CLCA1: variants seen among roughly 807,000 people sequenced by gnomAD.
CLCA1 encodes calcium-activated chloride channel regulator 1.
In CLCA1, 59 loss-of-function variants were observed where a neutral mutation model predicts 85.6. The observed-to-expected ratio is 0.69, with a 90% CI of 0.56 to 0.86. The LOEUF (loss-of-function observed/expected upper bound fraction) is 0.86. CLCA1 is among the 40% of genes least tolerant of loss of function. The probability of loss-of-function intolerance (pLI) is 0.00; values close to 1 mark genes in which losing one functional copy is unlikely to be tolerated. For missense variants in CLCA1, 1,022 were observed against 1,101.4 expected (o/e 0.93, Z 1.02); for synonymous variants, 396 against 398.3 (o/e 0.99, Z 0.07).
chr1:86,485,203 G>A lies in CLCA1; in HGVS notation c.736-140G>A, dbSNP rs149320591. The A allele has an allele frequency of 3.0e-5, 20 of 671,560 alleles. No homozygotes were observed. The East Asian group carries it at 5.4e-4, about 18-fold the overall frequency. 41.6% of individuals were successfully genotyped at this position (671,560 alleles called of 1,614,324 possible). On this transcript the variant is annotated intron_variant, in intron 5 of 13. Transcript: ENST00000394711. ...GGTAGGAAATCTGCATTATTACTGT[G>A]ATTTTCCCCAGCACTGTTCCACAGT...
chr1:86,494,138 G>A, intron 10 of CLCA1, 49 bp from the exon 11 acceptor site: 1 of 1,600,344 alleles, frequency 6.2e-7, no homozygotes, highest in African/African-American at 1.3e-5. Flanking sequence ...AGTCAGGTCT[G>A]TGTCACCTGA....
chr1:86,498,348 A>AG (rs1648356152), intron 12 of CLCA1, among the ~76,000 whole-genome samples: 1 of 152,166 alleles, frequency 6.6e-6, no homozygotes, highest in Non-Finnish European at 1.5e-5. Flanking sequence ...TCCAGGAAAT[A>AG]TCTAAGAGAT....
chr1:86,482,853 T>C (rs990200728), intron 5 of CLCA1, among the ~76,000 whole-genome samples: 5 of 152,210 alleles, frequency 3.3e-5, no homozygotes, highest in African/African-American at 1.2e-4. Context: ...AGTTTACACA[T>C]AGTTTAAATA....
chr1:86,478,227 A>C (rs993074749), intron 4 of CLCA1, among the ~76,000 whole-genome samples: 1 of 152,082 alleles, frequency 6.6e-6, no homozygotes, highest in African/African-American at 2.4e-5. Flanking sequence ...GGAGTTCAAG[A>C]CCAGCCTGGC....
intron 12 of CLCA1, 46 bp from the exon 13 acceptor site, chr1:86,498,526 A>G (rs1187920747): frequency 6.3e-7 from 1 of 1,592,084 alleles, no homozygotes; most frequent in Non-Finnish European, 8.6e-7. Context: ...AGGTGTCACC[A>G]TTTAGTGATG....
rs1002913877 is a variant in CLCA1 at position 86,477,208 on chromosome 1, G to A, written c.557+655G>A. On this transcript the variant is annotated intron_variant, in intron 4 of 13. Transcript: ENST00000394711. ...TGGACTCAAGAGATCCTCCCACTTCGACCTGCCAAAGTGCTGGGACTACCT... is the reference window on the plus strand; with the variant it reads ...TGGACTCAAGAGATCCTCCCACTTCAACCTGCCAAAGTGCTGGGACTACCT... Among the ~76,000 whole-genome samples, 7 of 152,268 alleles carry A rather than the reference G, an allele frequency of 4.6e-5. No individual in the cohort carries two copies. In the East Asian group the frequency reaches 5.8e-4, roughly 13 times the overall value.
intron 1 of CLCA1, among the ~76,000 whole-genome samples, chr1:86,472,026 G>T (rs1314378809): frequency 2.0e-5 from 3 of 148,660 alleles, no homozygotes; most frequent in African/African-American, 4.9e-5. Context: ...TTACATTTTT[G>T]TTTTTTTTTT....
At position 86,473,782 on chromosome 1, in the gene CLCA1, T is replaced by C. The variant is rs1223480960; in HGVS notation, c.357T>C (p.Thr119=). The C allele has an allele frequency of 6.2e-7, 1 of 1,612,196 alleles. No homozygotes were observed. The highest frequency in any genetic ancestry group is 8.5e-7 in the Non-Finnish European group (1 of 1,178,788). The change falls in exon 3 of 14, where the codon ACT becomes ACC. Residue 119 remains threonine (T), a synonymous_variant. Coordinates refer to ENST00000394711, the MANE Select transcript of CLCA1 (RefSeq NM_001285.4). ...CTCCAGGTAATGATGAACCCTACACTGAGCAGATGGGCAACTGTGGAGAGA... is the reference window on the plus strand; with the variant it reads ...CTCCAGGTAATGATGAACCCTACACCGAGCAGATGGGCAACTGTGGAGAGA... ...STPPGNDEPY[T]EQMGNCGEKG...
intron 5 of CLCA1, among the ~76,000 whole-genome samples, chr1:86,484,572 G>A (rs913683713): frequency 5.9e-5 from 9 of 152,286 alleles, no homozygotes; most frequent in South Asian, 2.1e-4. Context: ...AGACTCTCAG[G>A]CAGCTGTGAG....
rs542367977 is a variant in CLCA1 at position 86,469,004 on chromosome 1, G to T, written c.33G>T (p.Leu11Phe). ...CATTTAAGAGTTCTGTGTTCATCTT[G>T]ATTCTTCACCTTCTAGAAGGGGCCC... MGPFKSSVFI[L>F]ILHLLEGALS... The change falls in exon 1 of 14, where the codon TTG becomes TTT. Residue 11 changes from leucine (L) to phenylalanine (F), a missense_variant. Transcript: ENST00000394711. 3 of 1,612,664 alleles carry T rather than the reference G, an allele frequency of 1.9e-6. No individual in the cohort carries two copies. The highest frequency in any genetic ancestry group is 1.1e-5 in the South Asian group (1 of 90,684).
intron 13 of CLCA1, among the ~76,000 whole-genome samples, chr1:86,499,086 T>A (rs542805381): frequency 6.6e-6 from 1 of 152,298 alleles, no homozygotes; most frequent in African/African-American, 2.4e-5. Context: ...CAAACTCCAT[T>A]TTCTGGGTAG....
chr1:86,490,899 TAAAAAA>T (rs59948810), intron 8 of CLCA1, among the ~76,000 whole-genome samples: 2 of 89,706 alleles, frequency 2.2e-5, no homozygotes, highest in South Asian at 3.8e-4. Flanking sequence ...AACCCATCTC[TAAAAAA>T]AAAAAAAAAA....
intron 6 of CLCA1, 35 bp downstream of exon 6, chr1:86,485,596 G>A (rs367864526): frequency 4.2e-5 from 67 of 1,587,338 alleles, no homozygotes; most frequent in Non-Finnish European, 4.6e-5. Flanking sequence ...CTGGATGCTG[G>A]TCACAGATAT....
intron 6 of CLCA1, among the ~76,000 whole-genome samples, chr1:86,486,024 G>GAGAGAC (rs1300253446): frequency 1.3e-5 from 2 of 151,416 alleles, no homozygotes; most frequent in African/African-American, 4.9e-5. Flanking sequence ...GCAGGAGAGA[G>GAGAGAC]AGAGAGAGAG....
Position 86,486,772 on chromosome 1 carries a change from T to C in CLCA1, c.1182+19T>C. The C allele has an allele frequency of 5.0e-6, 8 of 1,609,310 alleles. No homozygotes were observed. Among genetic ancestry groups the C allele is most frequent in the Non-Finnish European group, 6.8e-6 (8 of 1,175,636 alleles). On this transcript the variant is annotated intron_variant, in intron 7 of 13. Transcript: ENST00000394711. ...ATTTACTGTGAGATGTGTTTTTCTATTGTAGTTTGGAATGTTTGCAATTTA... is the reference window on the plus strand; with the variant it reads ...ATTTACTGTGAGATGTGTTTTTCTACTGTAGTTTGGAATGTTTGCAATTTA...
In CLCA1 at chr1:86,498,602, A is replaced by C; in HGVS notation, c.2144A>C (p.Glu715Ala). The C allele has an allele frequency of 6.2e-7, 1 of 1,613,764 alleles. No individual in the cohort carries two copies. The highest frequency in any genetic ancestry group is 8.5e-7 in the Non-Finnish European group (1 of 1,179,808). The change falls in exon 13 of 14, where the codon GAA (glutamate) becomes GCA (alanine). Residue 715 changes from glutamate to alanine, a missense_variant. Glu to Ala is a moderately radical substitution (Grantham distance 107). Transcript: ENST00000394711. Reference protein sequence around the residue: ...DEIQWNPPRPEINKDDVQHKQ... With the variant: ...DEIQWNPPRPAINKDDVQHKQ... ...ATACAATGGAATCCACCAAGACCTG[A>C]AATTAATAAGGATGATGTTCAACAC...
chr1:86,473,449 T>G lies in CLCA1; in HGVS notation c.195T>G (p.Leu65=). The change falls in exon 2 of 14, where the codon CTT becomes CTG. Residue 65 remains leucine, a synonymous_variant. Coordinates refer to ENST00000394711, the MANE Select transcript of CLCA1 (RefSeq NM_001285.4). ...TGACCCAGGCATCTCTGTATCTGCTTGAAGCTACAGGAAAGCGATTTTATT... is the reference window on the plus strand; with the variant it reads ...TGACCCAGGCATCTCTGTATCTGCTGGAAGCTACAGGAAAGCGATTTTATT... ...DMVTQASLYL[L]EATGKRFYFK... 1 of 1,604,356 alleles carries G rather than the reference T, an allele frequency of 6.2e-7. No individual in the cohort carries two copies. Among genetic ancestry groups the G allele is most frequent in the Non-Finnish European group, 8.5e-7 (1 of 1,171,762 alleles).
intron 4 of CLCA1, among the ~76,000 whole-genome samples, chr1:86,481,490 T>C (rs1483015157): frequency 6.6e-6 from 1 of 151,520 alleles, no homozygotes; most frequent in Non-Finnish European, 1.5e-5. Context: ...TATGCTAAGT[T>C]TTTTTTAAAG....
intron 4 of CLCA1, among the ~76,000 whole-genome samples, chr1:86,481,854 T>G (rs1317980770): frequency 2.6e-5 from 4 of 152,134 alleles, no homozygotes; most frequent in Non-Finnish European, 4.4e-5. Context: ...TCAGCAAATC[T>G]TTTGTGGGAA....
Sources: gnomAD v4.1 joint callset for allele counts (sites outside exome capture counted in the v4.1 genomes callset) on GRCh38, gnomAD v4.1.1 for gene constraint, MANE v1.5 for transcripts, NCBI Gene and HGNC (gene_info 2026-07-23, HGNC 2026-07-21) for gene names.